The following USP8 variants were observed in gnomAD, a reference collection of about 807,000 sequenced individuals.
The protein encoded by USP8 is ubiquitin carboxyl-terminal hydrolase 8.
USP8 carries 27 observed loss-of-function variants against 130.0 expected under a neutral mutation model. The ratio of observed to expected loss-of-function variants is 0.21; its 90% CI spans 0.15 to 0.29. The LOEUF (loss-of-function observed/expected upper bound fraction) is 0.29. USP8 is among the 10% of genes least tolerant of loss of function. The pLI is 1.00. For synonymous variants in USP8, 392 were observed against 444.1 expected, an observed-to-expected ratio of 0.88 and a Z score of 1.48; for missense variants, 1,029 against 1,312.2, an observed-to-expected ratio of 0.78 and a Z score of 3.33.
chr15:50,498,938 A>C lies in USP8; in HGVS notation c.3207A>C (p.Thr1069=). ...GTGGGCTGGATGGAGGCCACTACAC[A>C]GCCTATTGTAAAAATGCAGCAAGAC... ...HYGGLDGGHY[T]AYCKNAARQR... is the part of the protein sequence containing the mutation. The change falls in exon 20 of 20, where the codon ACA becomes ACC. Residue 1069 remains threonine, a synonymous_variant. Transcript: ENST00000307179. The C allele has an allele frequency of 6.2e-7, 1 of 1,613,884 alleles. No homozygotes were observed. Among genetic ancestry groups the C allele is most frequent in the Non-Finnish European group, 8.5e-7 (1 of 1,179,836 alleles).
chr15:50,433,527 A>G (rs1388895883), intron 1 of USP8, among the ~76,000 whole-genome samples: 2 of 152,162 alleles, frequency 1.3e-5, no homozygotes, highest in Non-Finnish European at 2.9e-5. Context: ...TTTAGTCTTC[A>G]CTTTGTGGTT....
At chr15:50,461,667 A>G (rs929685077) in intron 5 of USP8, among the ~76,000 whole-genome samples, 1 of 151,992 alleles carries the variant, frequency 6.6e-6, no homozygotes, top group African/African-American at 2.4e-5. Context: ...AGCCTGGCCA[A>G]CATAGCAAAA....
intron 18 of USP8, 169 bp downstream of exon 18, chr15:50,497,400 T>C: frequency 3.2e-6 from 2 of 619,030 alleles, no homozygotes; most frequent in South Asian, 4.5e-5. Flanking sequence ...TTAGTTCACC[T>C]CAGTGTTTTC....
At chr15:50,433,772 AT>A (rs35216502) in intron 1 of USP8, among the ~76,000 whole-genome samples, 11 of 151,802 alleles carry the variant, frequency 7.2e-5, no homozygotes, top group South Asian at 4.2e-4. Flanking sequence ...TGCCCGGCTA[AT>A]TTTTTGTCTT....
chr15:50,497,024 G>A, intron 17 of USP8, 65 bp from the exon 18 acceptor site: 1 of 1,534,098 alleles, frequency 6.5e-7, no homozygotes, highest in South Asian at 1.3e-5. Flanking sequence ...TAACTAAATA[G>A]GTGCTCTCTG....
chr15:50,449,214 G>T (rs2050535691), intron 3 of USP8, among the ~76,000 whole-genome samples, 186 bp from the exon 4 acceptor site: 1 of 152,106 alleles, frequency 6.6e-6, no homozygotes, highest in African/African-American at 2.4e-5. Flanking sequence ...ATGGTATGAA[G>T]ACATACTTTT....
rs1487075714 is a variant in USP8, at chr15:50,502,126, G to C, written c.*3038G>C. 6.6e-6 allele frequency: 1 copy of C among 152,118 alleles called. No individual in the cohort carries two copies. Among genetic ancestry groups the C allele is most frequent in the Non-Finnish European group, 1.5e-5 (1 of 68,022 alleles). The allele number at this position is 152,118 out of a possible 1,614,324, so 9.4% of individuals were successfully genotyped here. ...TTTGTTAACTTATTTTTAATTTTTT[G>C]AGATGGAGTCTCTCTCTGTTGCCCA... On this transcript the variant is annotated 3_prime_UTR_variant, in exon 20 of 20. Coordinates refer to ENST00000307179, the MANE Select transcript of USP8 (RefSeq NM_005154.5).
intron 7 of USP8, among the ~76,000 whole-genome samples, chr15:50,470,040 C>T (rs188075131): frequency 1.8e-4 from 28 of 152,224 alleles, no homozygotes; most frequent in African/African-American, 6.5e-4. Context: ...GCCATGTTGG[C>T]CAGGCTGGTC....
At chr15:50,453,736 A>G (rs942308788) in intron 4 of USP8, among the ~76,000 whole-genome samples, 1 of 151,490 alleles carries the variant, frequency 6.6e-6, no homozygotes, top group Non-Finnish European at 1.5e-5. Context: ...GTATCTATTT[A>G]TGCCTTTAGT....
chr15:50,484,238 G>C (rs767805323), intron 11 of USP8, 37 bp from the exon 12 acceptor site: 1 of 1,536,828 alleles, frequency 6.5e-7, no homozygotes, highest in Non-Finnish European at 8.9e-7. Context: ...GAGAATTAAA[G>C]TTTTCTTTCA....
chr15:50,500,764 C>A lies in USP8; in HGVS notation c.*1676C>A. 1 of 1,583,772 alleles carries A rather than the reference C, an allele frequency of 6.3e-7. No homozygotes were observed. Among genetic ancestry groups the A allele is most frequent in the East Asian group, 2.3e-5 (1 of 43,920 alleles). On this transcript the variant is annotated 3_prime_UTR_variant, in exon 20 of 20. Coordinates refer to ENST00000307179, the MANE Select transcript of USP8 (RefSeq NM_005154.5). The stretch of plus-strand genomic sequence containing the variant: ...CTCACTGACTCGTGTGTTATCAAAG[C>A]TATATCAGGCCTGGGTGACTGAATT...
chr15:50,460,401 G>A (rs193197547), intron 5 of USP8, among the ~76,000 whole-genome samples: 19 of 149,404 alleles, frequency 1.3e-4, no homozygotes, highest in Non-Finnish European at 2.7e-4. Context: ...CTGCTTCCCG[G>A]GTTCAACTAA....
intron 5 of USP8, among the ~76,000 whole-genome samples, chr15:50,459,996 C>CCCCCCCCTT (rs567135111): frequency 1.1e-5 from 1 of 91,984 alleles, no homozygotes. Context: ...CACCCCCCCC[C>CCCCCCCCTT]TTTTTTTTTT....
intron 8 of USP8, among the ~76,000 whole-genome samples, chr15:50,473,230 GA>G (rs1480445109): frequency 2.6e-5 from 4 of 151,924 alleles, no homozygotes; most frequent in Admixed American, 2.6e-4. Context: ...TTGATGCTAG[GA>G]CCCCCCACAA....
At position 50,476,957 on chromosome 15, in the gene USP8, C is replaced by T. The variant is rs768289348; in HGVS notation, c.958C>T (p.Pro320Ser). ...TACAACAAATGCTAAGGTCACTCCACCCCCACGACGCCAGAATGAAGAGGT... is the reference window on the plus strand; with the variant it reads ...TACAACAAATGCTAAGGTCACTCCATCCCCACGACGCCAGAATGAAGAGGT... Reference protein sequence around the residue: ...QYTTNAKVTPPPRRQNEEVSI... With the variant: ...QYTTNAKVTPSPRRQNEEVSI... Residue 320 changes from proline to serine, a missense_variant, in exon 9 of 20, where the codon CCC (proline) becomes TCC (serine). Physicochemically the swap from Pro to Ser is moderately conservative, Grantham distance 74 (BLOSUM62 -1). Around this residue, in one of 4 missense-constraint regions of USP8, gnomAD observed 486 missense variants for 522.0 expected, o/e 0.93. Transcript: ENST00000307179. The T allele has an allele frequency of 3.7e-6, 6 of 1,607,610 alleles. No individual in the cohort carries two copies. In the Admixed American group the frequency reaches 1.0e-4, roughly 28 times the overall value.
At chr15:50,459,929 T>A (rs2050924002) in intron 5 of USP8, among the ~76,000 whole-genome samples, 1 of 151,844 alleles carries the variant, frequency 6.6e-6, no homozygotes, top group Non-Finnish European at 1.5e-5. Flanking sequence ...TTTATCTGTT[T>A]CTGAGGTCTC....
chr15:50,477,134 A>T, intron 9 of USP8, 141 bp downstream of exon 9: 2 of 1,342,642 alleles, frequency 1.5e-6, no homozygotes, highest in Non-Finnish European at 2.0e-6. Context: ...ATAAGCCTGG[A>T]AGTTCACATT....
At chr15:50,495,797 A>T in intron 16 of USP8, 51 bp from the exon 17 acceptor site, 1 of 1,398,276 alleles carries the variant, frequency 7.2e-7, no homozygotes, top group Non-Finnish European at 9.9e-7. Context: ...CTTTCAATTT[A>T]AATGTTTTCT....
chr15:50,484,641 A>G (rs1249206347), intron 12 of USP8, among the ~76,000 whole-genome samples: 1 of 152,232 alleles, frequency 6.6e-6, no homozygotes, highest in African/African-American at 2.4e-5. Flanking sequence ...CAGCAATTCT[A>G]CTTCAGGGTA....
Sources: gnomAD v4.1 joint callset for allele counts (sites outside exome capture counted in the v4.1 genomes callset) on GRCh38, gnomAD v4.1.1 for gene constraint, gnomAD v4.1.1 regional missense constraint, MANE v1.5 for transcripts, NCBI Gene and HGNC (gene_info 2026-07-23, HGNC 2026-07-21) for gene names.